The following RAD51B variants were observed in gnomAD, a reference collection of about 807,000 sequenced individuals.
The protein encoded by RAD51B is DNA repair protein RAD51 homolog 2.
Under a neutral mutation model 42.2 loss-of-function variants are expected in RAD51B, and 38 were observed. That is an observed-to-expected ratio of 0.90 (90% CI 0.70 to 1.18). The LOEUF is 1.18. RAD51B is among the 50% of genes most tolerant of loss of function. The pLI is 0.00. For synonymous variants in RAD51B, 154 were observed against 145.2 expected (o/e 1.06, Z -0.43); for missense variants, 373 against 400.7 (o/e 0.93, Z 0.59).
At chr14:68,491,284 G>A (rs902646936) in intron 10 of RAD51B, among the ~76,000 whole-genome samples, 3 of 152,122 alleles carry the variant, frequency 2.0e-5, no homozygotes, top group Non-Finnish European at 4.4e-5. Context: ...TATGATGTGG[G>A]ATATACTAGG....
At chr14:67,935,313 C>A (rs148520200) in intron 7 of RAD51B, among the ~76,000 whole-genome samples, 1 of 152,144 alleles carries the variant, frequency 6.6e-6, no homozygotes, top group African/African-American at 2.4e-5. Flanking sequence ...AGAAGATATA[C>A]CAGTTGTATG....
intron 8 of RAD51B, among the ~76,000 whole-genome samples, chr14:68,368,416 C>A (rs973246244): frequency 2.0e-5 from 3 of 152,200 alleles, no homozygotes; most frequent in African/African-American, 7.2e-5. Flanking sequence ...TATTTGAATT[C>A]TCTTGTATTT....
At chr14:68,206,449 T>C (rs1021789216) in intron 7 of RAD51B, among the ~76,000 whole-genome samples, 5 of 152,206 alleles carry the variant, frequency 3.3e-5, no homozygotes, top group Non-Finnish European at 7.3e-5. Flanking sequence ...TGAAAAATCA[T>C]GATTTTCCAT....
At chr14:68,108,867 T>G (rs971588297) in intron 7 of RAD51B, among the ~76,000 whole-genome samples, 4 of 151,992 alleles carry the variant, frequency 2.6e-5, no homozygotes, top group Non-Finnish European at 5.9e-5. Context: ...ATTATCTGTT[T>G]GTGTCTGGGT....
At chr14:67,955,361 A>T (rs1358092208) in intron 7 of RAD51B, among the ~76,000 whole-genome samples, 1 of 152,208 alleles carries the variant, frequency 6.6e-6, no homozygotes, top group East Asian at 1.9e-4. Flanking sequence ...TGCACTTAGG[A>T]TTTGAAGGTA....
chr14:68,020,532 A>T (rs1216798907), intron 7 of RAD51B, among the ~76,000 whole-genome samples: 1 of 152,196 alleles, frequency 6.6e-6, no homozygotes, highest in Non-Finnish European at 1.5e-5. Context: ...AAGACTAAAA[A>T]ATAGGAAAAA....
chr14:68,096,945 G>A (rs1205543537), intron 7 of RAD51B, among the ~76,000 whole-genome samples: 3 of 152,124 alleles, frequency 2.0e-5, no homozygotes, highest in African/African-American at 7.2e-5. Flanking sequence ...TGCTGGTGAT[G>A]GATGCAAATA....
At chr14:68,594,614 A>C in exon 11 of RAD51B, 1 of 1,286,040 alleles carries the variant, frequency 7.8e-7, no homozygotes, top group Non-Finnish European at 1.0e-6. Flanking sequence ...TTTTTTGTAG[A>C]GGTGGGGTCT....
intron 7 of RAD51B, among the ~76,000 whole-genome samples, chr14:68,257,801 A>C (rs1309488947): frequency 6.6e-6 from 1 of 152,224 alleles, no homozygotes; most frequent in Non-Finnish European, 1.5e-5. Context: ...ACTCAATTGT[A>C]AACTTCATAG....
intron 11 of RAD51B, among the ~76,000 whole-genome samples, chr14:68,667,653 A>G (rs1015792925): frequency 3.3e-5 from 5 of 152,336 alleles, no homozygotes; most frequent in East Asian, 1.9e-4. Flanking sequence ...CAAATAATGA[A>G]CCCTTGACAA....
intron 9 of RAD51B, among the ~76,000 whole-genome samples, chr14:68,426,022 T>TTCTTTCTC (rs1246553138): frequency 6.7e-6 from 1 of 149,602 alleles, no homozygotes; most frequent in Non-Finnish European, 1.5e-5. Flanking sequence ...CTTTCTTTCT[T>TTCTTTCTC]TCTTTCTCTC....
At chr14:68,547,057 T>G (rs1888274290) in intron 10 of RAD51B, among the ~76,000 whole-genome samples, 1 of 152,186 alleles carries the variant, frequency 6.6e-6, no homozygotes, top group Non-Finnish European at 1.5e-5. Context: ...CAACTCCAAC[T>G]CAAGCACCAG....
At chr14:67,893,516 A>AAAAAAAAAC (rs1485994919) in intron 7 of RAD51B, among the ~76,000 whole-genome samples, 5 of 102,838 alleles carry the variant, frequency 4.9e-5, no homozygotes, top group Non-Finnish European at 8.7e-5. Context: ...ACACAAAAAA[A>AAAAAAAAAC]AACAATTAGC....
intron 7 of RAD51B, among the ~76,000 whole-genome samples, chr14:67,947,593 C>T (rs141028663): frequency 3.3e-4 from 50 of 152,216 alleles, no homozygotes; most frequent in African/African-American, 1.2e-3. Flanking sequence ...CTTATTTCAT[C>T]AGTAATGTGA....
chr14:68,503,038 C>T (rs1445340041), intron 10 of RAD51B, among the ~76,000 whole-genome samples: 1 of 152,230 alleles, frequency 6.6e-6, no homozygotes, highest in African/African-American at 2.4e-5. Flanking sequence ...CCTCACCCCT[C>T]CTCCCTCTGA....
At chr14:67,950,858 G>T (rs141922457) in intron 7 of RAD51B, among the ~76,000 whole-genome samples, 23 of 152,094 alleles carry the variant, frequency 1.5e-4, no homozygotes, top group African/African-American at 5.1e-4. Context: ...GTTATTAAAT[G>T]GACTAATTTT....
chr14:68,331,385 A>AAAAAAAAAAAAAAAAAAAAAAACAAAG (rs2082348143), intron 8 of RAD51B, among the ~76,000 whole-genome samples: 1 of 147,268 alleles, frequency 6.8e-6, no homozygotes, highest in Non-Finnish European at 1.5e-5. Context: ...AAAAAAAAAA[A>AAAAAAAAAAAAAAAAAAAAAAACAAAG]GCAATGGTGT....
chr14:68,585,043 C>T (rs1054074862), intron 10 of RAD51B, among the ~76,000 whole-genome samples: 3 of 152,202 alleles, frequency 2.0e-5, no homozygotes, highest in East Asian at 1.9e-4. Context: ...GTCTGCTTCA[C>T]CCATAGGATG....
intron 10 of RAD51B, among the ~76,000 whole-genome samples, chr14:68,646,326 C>T (rs1016710292): frequency 3.0e-4 from 46 of 152,266 alleles, no homozygotes; most frequent in African/African-American, 1.1e-3. Flanking sequence ...TGATCATTTA[C>T]AAAGTTTTGA....
Sources: gnomAD v4.1 joint callset for allele counts (sites outside exome capture counted in the v4.1 genomes callset) on GRCh38, gnomAD v4.1.1 for gene constraint, MANE v1.5 for transcripts, NCBI Gene and HGNC (gene_info 2026-07-23, HGNC 2026-07-21) for gene names.